Variants in SCAI observed in about 807,000 individuals in gnomAD.
The protein encoded by SCAI is suppressor of cancer cell invasion, also known as protein SCAI.
A neutral mutation model predicts 92.2 loss-of-function variants in SCAI; 24 were observed. That is an observed-to-expected ratio of 0.26 (90% CI 0.19 to 0.37). The LOEUF is 0.37. Ranked by LOEUF, SCAI falls within the 10% of genes least tolerant of loss-of-function variation. The pLI, the probability that SCAI is intolerant of heterozygous loss-of-function variation, is 1.00. For synonymous variants in SCAI, 261 were observed against 258.6 expected, an observed-to-expected ratio of 1.01 and a Z score of -0.09; for missense variants, 450 against 736.2, an observed-to-expected ratio of 0.61 and a Z score of 4.50.
At chr9:125,085,218 G>A (rs1834302651) in intron 2 of SCAI, among the ~76,000 whole-genome samples, 1 of 152,210 alleles carries the variant, frequency 6.6e-6, no homozygotes, top group Non-Finnish European at 1.5e-5. Context: ...CGGGTGCGGT[G>A]GCTTATGCCT....
intron 13 of SCAI, among the ~76,000 whole-genome samples, chr9:124,998,753 G>T (rs1357396162): frequency 1.3e-5 from 2 of 151,934 alleles, no homozygotes; most frequent in African/African-American, 4.8e-5. Context: ...TCCTGAGTAG[G>T]TAGGACCACA....
chr9:125,067,231 GATATGTTGAA>G (rs1222285579), intron 2 of SCAI, among the ~76,000 whole-genome samples: 1 of 152,202 alleles, frequency 6.6e-6, no homozygotes, highest in Non-Finnish European at 1.5e-5. Flanking sequence ...CCCCTTAAAA[GATATGTTGAA>G]GTCCTAACTT....
chr9:125,052,974 T>C (rs116892492), intron 3 of SCAI, among the ~76,000 whole-genome samples: 1 of 152,178 alleles, frequency 6.6e-6, no homozygotes, highest in East Asian at 1.9e-4. Context: ...TTACTGGTGA[T>C]GAGGCCACTT....
At chr9:125,125,909 T>TACACACACAC (rs10554292) in intron 2 of SCAI, among the ~76,000 whole-genome samples, 5,035 of 137,918 alleles carry the variant, frequency 0.037, 139 homozygotes, top group Non-Finnish European at 0.05. Context: ...TGCGTACACG[T>TACACACACAC]ACACACACAC....
intron 2 of SCAI, among the ~76,000 whole-genome samples, chr9:125,083,078 G>A (rs1834254671): frequency 1.3e-5 from 2 of 152,168 alleles, no homozygotes; most frequent in South Asian, 4.1e-4. Flanking sequence ...TGTTGTGGGA[G>A]GGACCCGGAT....
chr9:124,944,859 A>C lies in SCAI; in HGVS notation c.*7948T>G, dbSNP rs1831121135. On this transcript the variant is annotated 3_prime_UTR_variant, in exon 18 of 18. Transcript: ENST00000336505. ...TAATCATGGCAAAGTGGACATTCAC[A>C]ACAGCTTCAGAAGAGAAAAGAAAAT... is the stretch of plus-strand genomic sequence containing the variant. 6.6e-6 allele frequency: 1 copy of C among 152,210 alleles called. No homozygotes were observed. The highest frequency in any genetic ancestry group is 2.1e-4 in the South Asian group (1 of 4,838). The allele number at this position is 152,210 out of a possible 1,614,324, so 9.4% of individuals were successfully genotyped here. A position where few individuals can be genotyped will look rare whatever the true frequency, so the allele number is the denominator to read the frequency against.
At chr9:125,013,324 G>T (rs905517122) in intron 9 of SCAI, among the ~76,000 whole-genome samples, 2 of 151,798 alleles carry the variant, frequency 1.3e-5, no homozygotes, top group Middle Eastern at 3.2e-3. Flanking sequence ...TCAAATAGAC[G>T]CAATAAAAAA....
rs137877331 is a variant in SCAI at position 125,082,548 on chromosome 9, G to A, written c.99-26541C>T. 9.4e-4 allele frequency among the ~76,000 whole-genome samples: 143 copies of A among 152,236 alleles called. 3 individuals are homozygous for A. The East Asian group carries it at 0.025, about 27-fold the overall frequency. On this transcript the variant is annotated intron_variant, in intron 2 of 17. Coordinates refer to ENST00000336505, the MANE Select transcript of SCAI (RefSeq NM_001144877.3). Reference sequence around the variant, plus strand: ...GATACACTGACAGCTTGCACCATGCGCCTGGAAAATCTGTAGAAACTCAAT... The same window carrying A: ...GATACACTGACAGCTTGCACCATGCACCTGGAAAATCTGTAGAAACTCAAT...
intron 2 of SCAI, among the ~76,000 whole-genome samples, chr9:125,069,044 C>T (rs1018416085): frequency 1.3e-5 from 2 of 151,890 alleles, no homozygotes; most frequent in Admixed American, 1.3e-4. Context: ...GGTGAAACTC[C>T]TGTCTCTACT....
chr9:125,082,535 G>A (rs1834242482), intron 2 of SCAI, among the ~76,000 whole-genome samples: 2 of 152,204 alleles, frequency 1.3e-5, no homozygotes, highest in African/African-American at 4.8e-5. Context: ...TACACTGACA[G>A]CTTGCACCAT....
rs1833432142 is a variant in SCAI at position 125,046,210 on chromosome 9, TATATATATATATATGCACAC to T, written c.230+9646_230+9665del. Among the ~76,000 whole-genome samples the T allele has an allele frequency of 2.4e-5, 3 of 127,600 alleles. No homozygotes were observed. The South Asian group carries it at 7.8e-4, about 33-fold the overall frequency. 83.7% of individuals were successfully genotyped at this position (127,600 alleles called of 152,430 possible). On this transcript the variant is annotated intron_variant, in intron 3 of 17. Transcript: ENST00000336505. ...AGAAATTGTGAGATATATATATATA[TATATATATATATATGCACAC>T]ACACATATATATACATATATATACA...
chr9:125,142,825 C>CG, intron 1 of SCAI, 148 bp from the exon 2 acceptor site: 2 of 663,386 alleles, frequency 3.0e-6, no homozygotes, highest in Non-Finnish European at 5.4e-6. Context: ...ACGCCTCATG[C>CG]CCTGTTTCCC....
chr9:125,004,761 ATATATATATATATATATATTTTTTTTTTT>A (rs1256758769), intron 9 of SCAI, among the ~76,000 whole-genome samples: 12 of 9,050 alleles, frequency 1.3e-3, no homozygotes, highest in African/African-American at 4.2e-3. Flanking sequence ...ATATATATAT[ATATATATATATATATATATTTTTTTTTTT>A]TTTTTTTTTT....
At chr9:125,002,711 C>T (rs888242021) in intron 11 of SCAI, among the ~76,000 whole-genome samples, 2 of 151,550 alleles carry the variant, frequency 1.3e-5, no homozygotes, top group East Asian at 1.9e-4. Flanking sequence ...CTTGAACTCC[C>T]GACCTCAGGT....
At chr9:125,082,964 G>A (rs1285141331) in intron 2 of SCAI, among the ~76,000 whole-genome samples, 3 of 152,186 alleles carry the variant, frequency 2.0e-5, no homozygotes, top group Non-Finnish European at 4.4e-5. Flanking sequence ...GGACTGTTGG[G>A]AAGGCATGAT....
intron 15 of SCAI, among the ~76,000 whole-genome samples, chr9:124,974,582 G>A (rs1831720706): frequency 6.6e-6 from 1 of 152,180 alleles, no homozygotes; most frequent in African/African-American, 2.4e-5. Context: ...TTTTGCAGAG[G>A]TGAGTAGCAA....
intron 17 of SCAI, among the ~76,000 whole-genome samples, chr9:124,965,272 C>T (rs75030121): frequency 0.018 from 2,737 of 152,112 alleles, 76 homozygotes; most frequent in African/African-American, 0.062. Flanking sequence ...CTTGCTCTGT[C>T]GCCCAGGCTG....
intron 17 of SCAI, 160 bp downstream of exon 17, chr9:124,971,210 T>G: frequency 4.6e-6 from 2 of 438,422 alleles, no homozygotes; most frequent in Non-Finnish European, 8.1e-6. Flanking sequence ...ATTTTTTTAC[T>G]TAGCAGACCA....
chr9:125,071,370 C>T (rs1353781581), intron 2 of SCAI, among the ~76,000 whole-genome samples: 1 of 151,926 alleles, frequency 6.6e-6, no homozygotes, highest in African/African-American at 2.4e-5. Flanking sequence ...TGCACTACAG[C>T]CTGGGTGACA....
Sources: gnomAD v4.1 joint callset for allele counts (sites outside exome capture counted in the v4.1 genomes callset) on GRCh38, gnomAD v4.1.1 for gene constraint, MANE v1.5 for transcripts, NCBI Gene and HGNC (gene_info 2026-07-23, HGNC 2026-07-21) for gene names.